Variants in BABAM1 observed in about 807,000 individuals in gnomAD.
The protein encoded by BABAM1 is BRISC and BRCA1-A complex member 1.
Under a neutral mutation model 34.4 loss-of-function variants are expected in BABAM1, and 14 were observed. The ratio of observed to expected loss-of-function variants is 0.41; its 90% CI spans 0.27 to 0.64. The LOEUF (loss-of-function observed/expected upper bound fraction) is 0.64. BABAM1 is among the 30% of genes least tolerant of loss of function. BABAM1 has a pLI of 0.34. For missense variants in BABAM1, 393 were observed against 434.0 expected (o/e 0.91, Z 0.84); for synonymous variants, 169 against 165.8 (o/e 1.02, Z -0.15).
chr19:17,267,930 A>C (rs927870070), intron 1 of BABAM1, among the ~76,000 whole-genome samples: 1 of 152,130 alleles, frequency 6.6e-6, no homozygotes, highest in Non-Finnish European at 1.5e-5. Context: ...AATCTGGCTT[A>C]AGGAAGAAAA....
At chr19:17,278,343 C>T (rs928111872) in intron 8 of BABAM1, among the ~76,000 whole-genome samples, 5 of 149,038 alleles carry the variant, frequency 3.4e-5, no homozygotes, top group African/African-American at 1.2e-4. Flanking sequence ...GAGTCTCGCT[C>T]TGTCGCCCAG....
chr19:17,275,924 A>G, intron 6 of BABAM1, 99 bp downstream of exon 6: 1 of 1,371,480 alleles, frequency 7.3e-7, no homozygotes, highest in South Asian at 1.2e-5. Flanking sequence ...GGGAGCCTTA[A>G]AGCCTCCTCC....
rs11412447 is a variant in BABAM1, at chr19:17,268,255, T to TAA, written c.-13-529_-13-528dup. Among the ~76,000 whole-genome samples the TAA allele has an allele frequency of 2.0e-3, 287 of 144,340 alleles. 1 individual carries two copies. The highest frequency in any genetic ancestry group is 0.011 in the Middle Eastern group (3 of 284). The allele number at this position is 144,340 out of a possible 152,430, so 94.7% of individuals were successfully genotyped here. ...TAGGGGCATGGGGCTAGCACTACGTTAAAAAAAAAAAGAGGAAAAAAGAGG... is the reference window on the plus strand; with the variant it reads ...TAGGGGCATGGGGCTAGCACTACGTTAAAAAAAAAAAAAGAGGAAAAAAGAGG... On this transcript the variant is annotated intron_variant, in intron 1 of 8. Coordinates refer to ENST00000598188, the MANE Select transcript of BABAM1 (RefSeq NM_014173.4).
intron 8 of BABAM1, among the ~76,000 whole-genome samples, chr19:17,278,125 G>T (rs1446530696): frequency 6.6e-6 from 1 of 151,842 alleles, no homozygotes; most frequent in African/African-American, 2.4e-5. Flanking sequence ...GGTGAGCCGA[G>T]ATCGTGCCGT....
chr19:17,276,609 G>C lies in BABAM1; in HGVS notation c.684G>C (p.Leu228Phe). The C allele has an allele frequency of 6.2e-7, 1 of 1,605,412 alleles. No homozygotes were observed. Among genetic ancestry groups the C allele is most frequent in the Non-Finnish European group, 8.5e-7 (1 of 1,176,144 alleles). ...CACCTTGCCAGCCCCAGTTCTCCTT[G>C]ACGGAGCCCATGAAGGTGGGTGAGG... Reference protein sequence around the residue: ...SRPPCQPQFSLTEPMKKMFQC... With the variant: ...SRPPCQPQFSFTEPMKKMFQC... Residue 228 changes from leucine to phenylalanine, a missense_variant, in exon 7 of 9, where the codon TTG (leucine) becomes TTC (phenylalanine). Transcript: ENST00000598188.
In BABAM1 at chr19:17,269,061, G is replaced by T. The variant is rs1354433467; in HGVS notation, c.255G>T (p.Arg85=). The part of the protein sequence containing the change: ...VPPPAPEVQI[R]TPRVNCPEKV... ...CGCCAGCCCCTGAGGTCCAAATTCG[G>T]ACACCAAGGGTCAACTGTCCAGAGA... The change falls in exon 2 of 9, where the codon CGG becomes CGT. Residue 85 remains arginine (R), a synonymous_variant. Transcript: ENST00000598188. 6 of 1,607,112 alleles carry T rather than the reference G, an allele frequency of 3.7e-6. No homozygotes were observed. Among genetic ancestry groups the T allele is most frequent in the Non-Finnish European group, 5.1e-6 (6 of 1,177,232 alleles).
chr19:17,275,417 A>G (rs2073896605), intron 5 of BABAM1, among the ~76,000 whole-genome samples: 2 of 152,194 alleles, frequency 1.3e-5, no homozygotes, highest in South Asian at 2.1e-4. Context: ...TAGCCTCCCA[A>G]GTAGCTGGGA....
At chr19:17,278,114 C>T (rs112582668) in intron 8 of BABAM1, among the ~76,000 whole-genome samples, 28,762 of 148,978 alleles carry the variant, frequency 0.19, 2,992 homozygotes, top group African/African-American at 0.25. Context: ...GCAGAGGTTG[C>T]GGTGAGCCGA....
chr19:17,271,835 G>A (rs2073844535), intron 3 of BABAM1, among the ~76,000 whole-genome samples, 180 bp downstream of exon 3: 1 of 152,160 alleles, frequency 6.6e-6, no homozygotes, highest in Non-Finnish European at 1.5e-5. Context: ...TGACTCGGGA[G>A]GCTGAGATAG....
rs531587611 is a variant in BABAM1 at position 17,279,273 on chromosome 19, A to G, written c.*225A>G. On this transcript the variant is annotated 3_prime_UTR_variant, in exon 9 of 9. Transcript: ENST00000598188. ...AGCCCATTTCCACTCCTAGTTTGTC[A>G]TGGATAATTTTTGTTCTTCCCTGTG... 79 of 490,494 alleles carry G rather than the reference A, an allele frequency of 1.6e-4. 1 individual carries two copies. In the Admixed American group the frequency reaches 2.3e-3, roughly 14 times the overall value. The allele number at this position is 490,494 out of a possible 1,614,324, so 30.4% of individuals were successfully genotyped here. A position where few individuals can be genotyped will look rare whatever the true frequency, so the allele number is the denominator to read the frequency against.
intron 1 of BABAM1, among the ~76,000 whole-genome samples, chr19:17,268,289 TTA>T (rs1304659996): frequency 1.3e-5 from 2 of 151,392 alleles, no homozygotes; most frequent in African/African-American, 4.9e-5. Flanking sequence ...GGGGGGACTG[TTA>T]TCTTATGTCG....
rs570690202 is a variant in BABAM1 at position 17,278,831 on chromosome 19, C to T, written c.787-14C>T. The T allele has an allele frequency of 1.8e-5, 29 of 1,606,422 alleles. No individual in the cohort carries two copies. The highest frequency in any genetic ancestry group is 1.1e-4 in the African/African-American group (8 of 74,922). ...GCCTGAACAGCCCTTCACTGACCCC[C>T]GCCTCCCCGGCAGGATATGTTTGCC... is the stretch of plus-strand genomic sequence containing the variant. On this transcript the variant is annotated splice_polypyrimidine_tract_variant and intron_variant, in intron 8 of 8. Coordinates refer to ENST00000598188, the MANE Select transcript of BABAM1 (RefSeq NM_014173.4).
At chr19:17,271,739 C>T (rs1339263904) in intron 3 of BABAM1, 84 bp downstream of exon 3, 3 of 1,454,994 alleles carry the variant, frequency 2.1e-6, no homozygotes, top group African/African-American at 1.4e-5. Context: ...CACTCTGAAA[C>T]TCACACCAGC....
At chr19:17,268,427 CT>C (rs10715818) in intron 1 of BABAM1, 24,605 of 129,124 alleles carry the variant, frequency 0.19, 1,755 homozygotes, top group African/African-American at 0.31. Context: ...AGTAACCAAT[CT>C]TTTTTTTTTT....
chr19:17,270,987 G>T (rs1289045014), intron 2 of BABAM1, among the ~76,000 whole-genome samples: 1 of 148,100 alleles, frequency 6.8e-6, no homozygotes, highest in East Asian at 2.0e-4. Context: ...ACCACGCCTG[G>T]CCTCTTTTTT....
intron 2 of BABAM1, among the ~76,000 whole-genome samples, chr19:17,270,935 C>T (rs1219901288): frequency 6.6e-6 from 1 of 151,788 alleles, no homozygotes; most frequent in African/African-American, 2.4e-5. Context: ...CGTGATCCTC[C>T]CGTCTCGGCC....
At chr19:17,268,023 A>G (rs1364730754) in intron 1 of BABAM1, among the ~76,000 whole-genome samples, 5 of 143,888 alleles carry the variant, frequency 3.5e-5, no homozygotes, top group Non-Finnish European at 7.7e-5. Flanking sequence ...CTCGGTGGAG[A>G]CCATTTCGCT....
chr19:17,273,862 C>T (rs1181487288), intron 3 of BABAM1, 42 bp from the exon 4 acceptor site: 2 of 1,559,096 alleles, frequency 1.3e-6, no homozygotes, highest in Admixed American at 1.9e-5. Context: ...TGTGCCCGGC[C>T]CTGAGGGAAC....
rs533740745 is a variant in BABAM1, at chr19:17,274,010, G to A, written c.451G>A (p.Asp151Asn). Reference protein sequence around the residue: ...SHEFALVVVNDDTAWLSGLTS... With the variant: ...SHEFALVVVNNDTAWLSGLTS... ...CGAGTTTGCACTGGTGGTGGTGAAC[G>A]ATGACACGGCCTGGGTGAGGCTGCG... is the stretch of plus-strand genomic sequence containing the variant. The change falls in exon 4 of 9, where the codon GAT becomes AAT. Residue 151 changes from aspartate (D) to asparagine (N), a missense_variant. By Grantham distance (23) the Asp-to-Asn change is conservative (BLOSUM62 1). Coordinates refer to ENST00000598188, the MANE Select transcript of BABAM1 (RefSeq NM_014173.4). The A allele has an allele frequency of 8.7e-6, 14 of 1,613,950 alleles. No homozygotes were observed. Among genetic ancestry groups the A allele is most frequent in the East Asian group, 2.2e-5 (1 of 44,878 alleles).
Sources: gnomAD v4.1 joint callset for allele counts (sites outside exome capture counted in the v4.1 genomes callset) on GRCh38, gnomAD v4.1.1 for gene constraint, MANE v1.5 for transcripts, NCBI Gene and HGNC (gene_info 2026-07-23, HGNC 2026-07-21) for gene names.